FAM47E: variants seen among roughly 807,000 people sequenced by gnomAD.
FAM47E encodes protein FAM47E.
A neutral mutation model predicts 41.6 loss-of-function variants in FAM47E; 32 were observed. The ratio of observed to expected loss-of-function variants is 0.77; its 90% confidence interval spans 0.58 to 1.03. The LOEUF (loss-of-function observed/expected upper bound fraction) is 1.03. Among genes scored for constraint, FAM47E ranks in the 50% least tolerant of loss-of-function variants. The pLI, the probability that FAM47E is intolerant of heterozygous loss-of-function variation, is 0.00. For synonymous variants in FAM47E, 184 were observed against 188.7 expected, an observed-to-expected ratio of 0.98 and a Z score of 0.20; for missense variants, 424 against 485.4, an observed-to-expected ratio of 0.87 and a Z score of 1.19.
At chr4:76,235,335 A>ATAAG (rs1277902326) in intron 2 of FAM47E, among the ~76,000 whole-genome samples, 1 of 152,198 alleles carries the variant, frequency 6.6e-6, no homozygotes, top group Non-Finnish European at 1.5e-5. Flanking sequence ...AAATAAATAA[A>ATAAG]TAAAATAGAA....
At chr4:76,244,850 T>C (rs1041777651) in intron 2 of FAM47E, among the ~76,000 whole-genome samples, 7 of 149,466 alleles carry the variant, frequency 4.7e-5, no homozygotes, top group African/African-American at 1.8e-4. Flanking sequence ...TCATTAAGTG[T>C]TGACATATGT....
chr4:76,250,329 CAT>C (rs1238507036), upstream of FAM47E, among the ~76,000 whole-genome samples: 2 of 152,164 alleles, frequency 1.3e-5, no homozygotes, highest in African/African-American at 4.8e-5. Context: ...AGCCTTTTTT[CAT>C]ATGTTTGTTC....
At chr4:76,264,087 C>A (rs1734530810) in intron 3 of FAM47E, among the ~76,000 whole-genome samples, 1 of 152,172 alleles carries the variant, frequency 6.6e-6, no homozygotes, top group African/African-American at 2.4e-5. Context: ...GAGAGTCCCT[C>A]CCTATGCTTG....
In FAM47E at chr4:76,281,068, A is replaced by T. The variant is rs111989572; in HGVS notation, c.1104+727A>T. On this transcript the variant is annotated intron_variant, in intron 7 of 7. Transcript: ENST00000424749. ...ATCAGCCCTGTCACTGCAGCAGGAG[A>T]CTAGATAGGCATCTGGGGCTGAAGT... is the stretch of plus-strand genomic sequence containing the variant. 708 of 152,376 alleles carry T rather than the reference A, an allele frequency of 4.6e-3. 3 individuals carry two copies. Among genetic ancestry groups the T allele is most frequent in the Non-Finnish European group, 7.6e-3 (517 of 68,086 alleles). 9.4% of individuals were successfully genotyped at this position (152,376 alleles called of 1,614,324 possible).
At chr4:76,224,532 G>A (rs953310352) in intron 2 of FAM47E, among the ~76,000 whole-genome samples, 1 of 152,130 alleles carries the variant, frequency 6.6e-6, no homozygotes, top group Non-Finnish European at 1.5e-5. Flanking sequence ...TAAAAGGGCA[G>A]AGAAAGAATA....
intron 2 of FAM47E, among the ~76,000 whole-genome samples, chr4:76,244,390 C>T (rs1176976532): frequency 1.3e-5 from 2 of 152,142 alleles, no homozygotes; most frequent in Non-Finnish European, 2.9e-5. Flanking sequence ...TCTCTATATC[C>T]TCTCCAGCAT....
rs148514631 is a variant in FAM47E at position 76,277,953 on chromosome 4, A to G, written c.871-116A>G. On this transcript the variant is annotated intron_variant, in intron 5 of 7. Coordinates refer to ENST00000424749, the MANE Select transcript of FAM47E (RefSeq NM_001136570.3). ...TGAAACTTCACAAAATACTTTGGCA[A>G]GGACCAACCTAAATTCCAAAGTAAT... 475 of 1,262,890 alleles carry G rather than the reference A, an allele frequency of 3.8e-4. 1 individual carries two copies. In the African/African-American group the frequency reaches 6.6e-3, roughly 17 times the overall value. The allele number at this position is 1,262,890 out of a possible 1,614,324, so 78.2% of individuals were successfully genotyped here.
intron 2 of FAM47E, among the ~76,000 whole-genome samples, chr4:76,220,862 G>T (rs1003033320): frequency 1.3e-5 from 2 of 152,190 alleles, no homozygotes; most frequent in African/African-American, 4.8e-5. Flanking sequence ...GTACAAGAAT[G>T]CTTCCAGGTG....
At chr4:76,244,317 A>G (rs1274090305) in intron 2 of FAM47E, among the ~76,000 whole-genome samples, 1 of 152,114 alleles carries the variant, frequency 6.6e-6, no homozygotes, top group East Asian at 1.9e-4. Context: ...GAATCACCAC[A>G]CTGTCTTCCA....
At chr4:76,249,568 T>C (rs905648763), upstream of FAM47E, among the ~76,000 whole-genome samples, 1 of 151,822 alleles carries the variant, frequency 6.6e-6, no homozygotes, top group Non-Finnish European at 1.5e-5. Context: ...TATTTGTTTA[T>C]TTATTTATTT....
rs1020638482 is a variant in FAM47E at position 76,268,785 on chromosome 4, G to C, written c.669+17G>C. The C allele has an allele frequency of 6.4e-6, 10 of 1,550,804 alleles. No homozygotes were observed. Among genetic ancestry groups the C allele is most frequent in the African/African-American group, 2.7e-5 (2 of 73,026 alleles). ...CATGAAAATGTATGCAAAGCAGTTA[G>C]TGACTTCTGCAAGTGGGTTACTACT... On this transcript the variant is annotated intron_variant, in intron 4 of 7. Transcript: ENST00000424749.
At chr4:76,272,891 A>G (rs547725323) in intron 5 of FAM47E, among the ~76,000 whole-genome samples, 1 of 152,260 alleles carries the variant, frequency 6.6e-6, no homozygotes, top group South Asian at 2.1e-4. Flanking sequence ...TTTCCACATA[A>G]TATATTTTCT....
At chr4:76,235,755 C>T (rs756128016) in intron 2 of FAM47E, among the ~76,000 whole-genome samples, 1 of 152,242 alleles carries the variant, frequency 6.6e-6, no homozygotes. Context: ...TAGATCGATT[C>T]CCCATTTCAG....
At chr4:76,272,251 G>A (rs960344828) in intron 5 of FAM47E, among the ~76,000 whole-genome samples, 3 of 152,132 alleles carry the variant, frequency 2.0e-5, no homozygotes, top group African/African-American at 4.8e-5. Context: ...GGAAGAACAA[G>A]GTAACAGAAA....
chr4:76,227,234 C>T (rs977065613), intron 2 of FAM47E, among the ~76,000 whole-genome samples: 1 of 152,106 alleles, frequency 6.6e-6, no homozygotes, highest in Non-Finnish European at 1.5e-5. Flanking sequence ...TCACTATTAT[C>T]GTTCAAAGAA....
At chr4:76,217,757 C>A (rs986014644) in intron 2 of FAM47E, 1 of 486,490 alleles carries the variant, frequency 2.1e-6, no homozygotes, top group Non-Finnish European at 3.7e-6. Flanking sequence ...CAAGGAGATA[C>A]GGTGATCTCT....
chr4:76,280,125 T>G, intron 6 of FAM47E, 139 bp from the exon 7 acceptor site: 6 of 588,258 alleles, frequency 1.0e-5, no homozygotes, highest in Non-Finnish European at 1.8e-5. Context: ...TCATGAACAT[T>G]ACACACATAT....
upstream of FAM47E, chr4:76,251,718 C>A: frequency 1.4e-6 from 2 of 1,466,222 alleles, no homozygotes; most frequent in South Asian, 1.3e-5. Flanking sequence ...CGCCCAAGCC[C>A]GGACGGTGGC....
Position 76,263,687 on chromosome 4 carries a change from CT to C in FAM47E, c.421-16del. 1 of 1,548,032 alleles carries C rather than the reference CT, an allele frequency of 6.5e-7. No homozygotes were observed. Among genetic ancestry groups the C allele is most frequent in the South Asian group, 1.2e-5 (1 of 83,712 alleles). ...AGCATGTTTTTCTTTTCCTCTAAGA[CT>C]ATTTTCTGTTTGTAGCTCTTATCAA... On this transcript the variant is annotated splice_polypyrimidine_tract_variant and intron_variant, in intron 2 of 7. Coordinates refer to ENST00000424749, the MANE Select transcript of FAM47E (RefSeq NM_001136570.3).
Sources: gnomAD v4.1 joint callset for allele counts (sites outside exome capture counted in the v4.1 genomes callset) on GRCh38, gnomAD v4.1.1 for gene constraint, MANE v1.5 for transcripts, NCBI Gene and HGNC (gene_info 2026-07-23, HGNC 2026-07-21) for gene names.